Variants in ZFAND3 observed in about 807,000 individuals in gnomAD.
ZFAND3 encodes the protein zinc finger AN1-type containing 3.
ZFAND3 carries 10 observed loss-of-function variants against 29.6 expected under a neutral mutation model. The observed-to-expected ratio is 0.34, with a 90% CI of 0.21 to 0.57. The LOEUF (loss-of-function observed/expected upper bound fraction) is 0.57. Ranked by LOEUF, ZFAND3 falls within the 20% of genes least tolerant of loss-of-function variation. The probability of loss-of-function intolerance (pLI) is 0.86; values close to 1 mark genes in which losing one functional copy is unlikely to be tolerated. For missense variants in ZFAND3, 230 were observed against 304.5 expected, an observed-to-expected ratio of 0.76 and a Z score of 1.82; for synonymous variants, 128 against 112.6, an observed-to-expected ratio of 1.14 and a Z score of -0.87.
intron 1 of ZFAND3, among the ~76,000 whole-genome samples, chr6:37,895,459 C>CTTTTTTTTTTTTT (rs11331881): frequency 2.2e-3 from 168 of 76,706 alleles, no homozygotes; most frequent in South Asian, 3.5e-3. Context: ...CTCAGAGGTT[C>CTTTTTTTTTTTTT]TTTTTTTTTT....
At chr6:37,974,020 G>A (rs1013998640) in intron 2 of ZFAND3, among the ~76,000 whole-genome samples, 1 of 152,102 alleles carries the variant, frequency 6.6e-6, no homozygotes, top group African/African-American at 2.4e-5. Flanking sequence ...GCCAGACTTG[G>A]AAGTAGAAAT....
At chr6:37,880,192 T>A (rs1764866325) in intron 1 of ZFAND3, among the ~76,000 whole-genome samples, 1 of 152,244 alleles carries the variant, frequency 6.6e-6, no homozygotes, top group African/African-American at 2.4e-5. Flanking sequence ...GTCATGGTAC[T>A]TGAAGCTTCA....
intron 3 of ZFAND3, among the ~76,000 whole-genome samples, chr6:38,062,208 G>A (rs1396701161): frequency 6.6e-6 from 1 of 152,146 alleles, no homozygotes; most frequent in Non-Finnish European, 1.5e-5. Flanking sequence ...AGGAGCCTTA[G>A]ATTGAAGCTT....
chr6:37,920,052 C>CTTTTTTTTTTTT (rs11389241), intron 1 of ZFAND3, among the ~76,000 whole-genome samples: 2 of 93,408 alleles, frequency 2.1e-5, no homozygotes, highest in Non-Finnish European at 4.1e-5. Flanking sequence ...TTTTTTGAAG[C>CTTTTTTTTTTTT]TTTTTTTTTT....
chr6:37,825,358 T>C (rs763983524), intron 1 of ZFAND3, among the ~76,000 whole-genome samples: 47 of 152,236 alleles, frequency 3.1e-4, no homozygotes, highest in Admixed American at 1.2e-3. Context: ...GGAGTTTTAC[T>C]TTGCATCTTT....
chr6:38,080,042 T>G (rs1764630352), intron 3 of ZFAND3, among the ~76,000 whole-genome samples: 3 of 150,160 alleles, frequency 2.0e-5, no homozygotes, highest in Admixed American at 1.3e-4. Flanking sequence ...CACCCTAATT[T>G]TAAAAGTTCC....
At chr6:37,895,531 A>ATTTTTTTTTTTTTTTT (rs1765188140) in intron 1 of ZFAND3, among the ~76,000 whole-genome samples, 1 of 35,210 alleles carries the variant, frequency 2.8e-5, no homozygotes, top group African/African-American at 1.4e-4. Context: ...TTTTTTTTTG[A>ATTTTTTTTTTTTTTTT]TTTAGTACAA....
At chr6:37,941,834 T>C (rs1019151197) in intron 2 of ZFAND3, among the ~76,000 whole-genome samples, 2 of 152,176 alleles carry the variant, frequency 1.3e-5, no homozygotes, top group African/African-American at 4.8e-5. Context: ...AAAACTCCTG[T>C]TTTGTTGTAT....
chr6:37,970,833 A>C (rs919530756), intron 2 of ZFAND3, among the ~76,000 whole-genome samples: 10 of 152,190 alleles, frequency 6.6e-5, no homozygotes, highest in African/African-American at 2.4e-4. Flanking sequence ...TGAACCGTGG[A>C]ATCAGAGCCT....
chr6:38,075,493 T>C (rs934657128), intron 3 of ZFAND3, among the ~76,000 whole-genome samples: 2 of 152,200 alleles, frequency 1.3e-5, no homozygotes, highest in African/African-American at 2.4e-5. Flanking sequence ...CTTTAATGGA[T>C]GAGGAGCTGC....
At chr6:38,109,151 C>G (rs1304948838) in intron 4 of ZFAND3, among the ~76,000 whole-genome samples, 2 of 148,694 alleles carry the variant, frequency 1.3e-5, no homozygotes, top group African/African-American at 2.5e-5. Context: ...ACCTTGCCCT[C>G]TAAAACTGTT....
At chr6:37,933,941 G>T (rs1286321513) in intron 2 of ZFAND3, among the ~76,000 whole-genome samples, 1 of 144,184 alleles carries the variant, frequency 6.9e-6, no homozygotes, top group Admixed American at 7.3e-5. Context: ...AGGCTGGAGT[G>T]CAGTGGCGCG....
In ZFAND3 at chr6:38,124,605, G is replaced by A. The variant is rs745331713; in HGVS notation, c.529+7866G>A. Among the ~76,000 whole-genome samples the A allele has an allele frequency of 9.2e-5, 14 of 152,312 alleles. No homozygotes were observed. In the East Asian group the frequency reaches 1.2e-3, roughly 13 times the overall value. ...GCTAAGCCCCTCACTGCCCCGGGCC[G>A]CTCCGAGTGTGGGGCCCGCCAAGCC... On this transcript the variant is annotated intron_variant, in intron 5 of 5. Transcript: ENST00000287218.
intron 4 of ZFAND3, among the ~76,000 whole-genome samples, chr6:38,091,158 G>A (rs1238453901): frequency 6.6e-6 from 1 of 152,176 alleles, no homozygotes; most frequent in Non-Finnish European, 1.5e-5. Context: ...AAAAACGAAG[G>A]GAAGCGTCAT....
At chr6:37,978,530 G>A (rs1762527645) in intron 2 of ZFAND3, among the ~76,000 whole-genome samples, 1 of 144,494 alleles carries the variant, frequency 6.9e-6, no homozygotes, top group Non-Finnish European at 1.5e-5. Flanking sequence ...TTAAATGTTT[G>A]ATGAGATTCA....
At chr6:38,078,895 C>T (rs1034913126) in intron 3 of ZFAND3, among the ~76,000 whole-genome samples, 2 of 152,208 alleles carry the variant, frequency 1.3e-5, no homozygotes, top group African/African-American at 2.4e-5. Context: ...CAGCCACACT[C>T]TCCGGCATTA....
intron 5 of ZFAND3, among the ~76,000 whole-genome samples, chr6:38,123,027 G>A (rs921698309): frequency 3.3e-5 from 5 of 152,220 alleles, no homozygotes; most frequent in African/African-American, 9.6e-5. Context: ...GAGGAGTTTG[G>A]ATGTTCGTTT....
At chr6:37,899,705 A>G (rs1765284567) in intron 1 of ZFAND3, among the ~76,000 whole-genome samples, 1 of 152,214 alleles carries the variant, frequency 6.6e-6, no homozygotes, top group Non-Finnish European at 1.5e-5. Context: ...TTTCTTTACA[A>G]TTCTTTAATT....
At chr6:37,824,047 A>G (rs976547922) in intron 1 of ZFAND3, among the ~76,000 whole-genome samples, 3 of 152,214 alleles carry the variant, frequency 2.0e-5, no homozygotes, top group African/African-American at 7.2e-5. Flanking sequence ...AAGTGCTGGG[A>G]TTACCGGCGT....
Sources: gnomAD v4.1 joint callset for allele counts (sites outside exome capture counted in the v4.1 genomes callset) on GRCh38, gnomAD v4.1.1 for gene constraint, MANE v1.5 for transcripts, NCBI Gene and HGNC (gene_info 2026-07-23, HGNC 2026-07-21) for gene names.